The following PCDHA4 variants were observed in gnomAD, a reference collection of about 807,000 sequenced individuals.
The protein encoded by PCDHA4 is protocadherin alpha 4.
In PCDHA4, 49 loss-of-function variants were observed where a neutral mutation model predicts 61.4. The ratio of observed to expected loss-of-function variants is 0.80; its 90% CI spans 0.63 to 1.01. The LOEUF (loss-of-function observed/expected upper bound fraction) is 1.01. PCDHA4 is among the 50% of genes least tolerant of loss of function. The pLI, the probability that PCDHA4 is intolerant of heterozygous loss-of-function variation, is 0.00. For synonymous variants in PCDHA4, 590 were observed against 550.3 expected (o/e 1.07, Z -1.01); for missense variants, 1,254 against 1,235.8 (o/e 1.01, Z -0.22).
rs1554144804 is a variant in PCDHA4, at chr5:140,850,700, C to G, written c.2385+41128C>G. 17 of 1,597,908 alleles carry G rather than the reference C, an allele frequency of 1.1e-5. 1 individual carries two copies. The highest frequency in any genetic ancestry group is 1.7e-5 in the Admixed American group (1 of 59,228). ...CCACCGAGGGCGAGTGCGCGCCTGG[C>G]AAGCCGACGCTGGTGTGTTCTAGCG... On this transcript the variant is annotated intron_variant, in intron 1 of 3. Transcript: ENST00000530339.
At chr5:141,001,997 CA>C (rs1587968703) in intron 3 of PCDHA4, among the ~76,000 whole-genome samples, 1 of 152,190 alleles carries the variant, frequency 6.6e-6, no homozygotes, top group Admixed American at 6.5e-5. Flanking sequence ...AGTTCACTTG[CA>C]AACACAGAAT....
intron 1 of PCDHA4, chr5:140,863,094 G>A (rs782437357): frequency 8.7e-6 from 5 of 576,444 alleles, no homozygotes; most frequent in African/African-American, 3.7e-5. Flanking sequence ...TCAGCACGAC[G>A]AGTACCCTGG....
chr5:140,821,875 A>G (rs2150111512), intron 1 of PCDHA4: 1 of 1,614,180 alleles, frequency 6.2e-7, no homozygotes, highest in Admixed American at 1.7e-5. Flanking sequence ...CCACTACTCG[A>G]TCCCGGAGGA....
intron 1 of PCDHA4, chr5:140,834,252 A>G (rs1772864015): frequency 7.6e-6 from 7 of 916,288 alleles, no homozygotes; most frequent in Non-Finnish European, 1.2e-5. Context: ...CACTGGAAAG[A>G]CGCTCCACTC....
chr5:140,827,864 T>C, intron 1 of PCDHA4: 1 of 608,420 alleles, frequency 1.6e-6, no homozygotes, highest in Non-Finnish European at 2.9e-6. Flanking sequence ...ATATATGGTA[T>C]AGCACTGTTA....
intron 1 of PCDHA4, among the ~76,000 whole-genome samples, chr5:140,918,211 C>T (rs1554198470): frequency 6.6e-6 from 1 of 152,046 alleles, no homozygotes; most frequent in African/African-American, 2.4e-5. Context: ...TGTTGGTGTA[C>T]AGAAATGCTG....
At chr5:140,980,347 C>G (rs1329268780) in intron 2 of PCDHA4, among the ~76,000 whole-genome samples, 2 of 152,132 alleles carry the variant, frequency 1.3e-5, no homozygotes, top group African/African-American at 4.8e-5. Context: ...ACATAACTTC[C>G]TGGACTGGGC....
At chr5:140,870,507 A>C (rs782584168) in intron 1 of PCDHA4, 1 of 1,614,128 alleles carries the variant, frequency 6.2e-7, no homozygotes, top group Non-Finnish European at 8.5e-7. Context: ...AGAACAACCC[A>C]CCAGGCTGCC....
At position 140,882,987 on chromosome 5, in the gene PCDHA4, C is replaced by T; in HGVS notation, c.2385+73415C>T. The T allele has an allele frequency of 1.9e-6, 3 of 1,614,110 alleles. No individual in the cohort carries two copies. The highest frequency in any genetic ancestry group is 1.7e-6 in the Non-Finnish European group (2 of 1,180,042). ...ATTCTGGACGTGAATGACAACGCCC[C>T]GGAATTTTACCAATCCGTTTATAAA... is the stretch of plus-strand genomic sequence containing the variant. On this transcript the variant is annotated intron_variant, in intron 1 of 3. Coordinates refer to ENST00000530339, the MANE Select transcript of PCDHA4 (RefSeq NM_018907.4).
intron 1 of PCDHA4, chr5:140,966,838 G>T: frequency 6.4e-7 from 1 of 1,566,772 alleles, no homozygotes. Flanking sequence ...CCTGGCTGCT[G>T]CTACTGCCTC....
intron 1 of PCDHA4, among the ~76,000 whole-genome samples, chr5:140,840,938 GA>G (rs1162522962): frequency 6.6e-6 from 1 of 151,908 alleles, no homozygotes; most frequent in Non-Finnish European, 1.5e-5. Flanking sequence ...TACGATATTT[GA>G]AATATTGGGA....
chr5:140,990,671 C>T (rs2097406151), intron 3 of PCDHA4, among the ~76,000 whole-genome samples: 2 of 152,176 alleles, frequency 1.3e-5, no homozygotes, highest in South Asian at 4.1e-4. Flanking sequence ...ATTAGATGCA[C>T]ACCAAGCTGC....
In PCDHA4 at chr5:140,843,133, C is replaced by T. The variant is rs2150353566; in HGVS notation, c.2385+33561C>T. The T allele has an allele frequency of 2.5e-6, 4 of 1,595,974 alleles. 1 individual carries two copies. The highest frequency in any genetic ancestry group is 3.4e-6 in the Non-Finnish European group (4 of 1,165,590). ...CAGTGGACGCCGACTCGGGCTACAA[C>T]GCGTGGCTTTCGTATGAGCTGCAGC... On this transcript the variant is annotated intron_variant, in intron 1 of 3. Transcript: ENST00000530339.
intron 1 of PCDHA4, among the ~76,000 whole-genome samples, chr5:140,960,334 T>C (rs902345282): frequency 6.6e-6 from 1 of 152,182 alleles, no homozygotes; most frequent in African/African-American, 2.4e-5. Context: ...GAGAAGTACA[T>C]GAGGTGAGAT....
chr5:140,819,494 A>T (rs2150104482), intron 1 of PCDHA4, among the ~76,000 whole-genome samples: 2 of 152,164 alleles, frequency 1.3e-5, no homozygotes, highest in Non-Finnish European at 2.9e-5. Context: ...AACATGACTG[A>T]AATATCTAAA....
chr5:140,862,997 G>T, intron 1 of PCDHA4: 1 of 549,924 alleles, frequency 1.8e-6, no homozygotes, highest in Non-Finnish European at 3.6e-6. Context: ...GCGCACGGTG[G>T]ACTCCAGCTA....
intron 1 of PCDHA4, chr5:140,843,517 C>CCGGG (rs2150361691): frequency 1.3e-6 from 2 of 1,595,932 alleles, no homozygotes; most frequent in African/African-American, 2.7e-5. Flanking sequence ...AGGGCGGGTG[C>CCGGG]CGGGCGGGCA....
chr5:140,928,122 A>G (rs1554205517), intron 1 of PCDHA4: 14 of 1,614,078 alleles, frequency 8.7e-6, no homozygotes, highest in Non-Finnish European at 1.2e-5. Context: ...AGATCAGTGA[A>G]TACCAAGTCC....
intron 1 of PCDHA4, chr5:140,858,270 G>A (rs1554151358): frequency 6.3e-7 from 1 of 1,597,416 alleles, no homozygotes; most frequent in South Asian, 1.1e-5. Flanking sequence ...GTGTGCTCTA[G>A]CGCGGTGGGG....
Sources: allele counts gnomAD v4.1 joint callset (sites outside exome capture counted in the v4.1 genomes callset), GRCh38; gene constraint gnomAD v4.1.1; transcripts MANE v1.5; gene names NCBI Gene and HGNC (gene_info 2026-07-23, HGNC 2026-07-21).